Variants in ARID4A observed in about 807,000 individuals in gnomAD.
The protein encoded by ARID4A is AT-rich interactive domain-containing protein 4A.
A neutral mutation model predicts 148.6 loss-of-function variants in ARID4A; 39 were observed. The observed-to-expected ratio is 0.26, with a 90% CI of 0.20 to 0.34. The LOEUF (loss-of-function observed/expected upper bound fraction) is 0.34. Among genes scored for constraint, ARID4A ranks in the 10% least tolerant of loss-of-function variants. The pLI is 1.00. For missense variants in ARID4A, 1,265 were observed against 1,449.1 expected (o/e 0.87, Z 2.06); for synonymous variants, 475 against 481.2 (o/e 0.99, Z 0.17).
rs540268826 is a variant in ARID4A at position 58,302,231 on chromosome 14, C to G, written c.117+541C>G. ...AAATTAGACCCGGCGCGGTGACTCA[C>G]GCCTGTAATCCCAGCACTTTGGGAG... On this transcript the variant is annotated intron_variant, in intron 3 of 23. Coordinates refer to ENST00000355431, the MANE Select transcript of ARID4A (RefSeq NM_002892.4). 1.3e-4 allele frequency among the ~76,000 whole-genome samples: 20 copies of G among 151,858 alleles called. 1 individual carries two copies. In the South Asian group the frequency reaches 4.2e-3, roughly 32 times the overall value.
chr14:58,366,781 A>G, intron 22 of ARID4A, 102 bp from the exon 23 acceptor site: 3 of 911,148 alleles, frequency 3.3e-6, no homozygotes, highest in Non-Finnish European at 4.8e-6. Context: ...TTAATAAACT[A>G]AAGCTTTTGT....
rs1335758386 is a variant in ARID4A, at chr14:58,365,551, T to C, written c.3245T>C (p.Leu1082Ser). The change falls in exon 21 of 24, where the codon TTA (leucine) becomes TCA (serine). Residue 1082 changes from leucine to serine, a missense_variant. Leu to Ser is a moderately radical substitution (Grantham distance 145). Coordinates refer to ENST00000355431, the MANE Select transcript of ARID4A (RefSeq NM_002892.4). ...QKRPSDGNSG[L>S]MAKKQKRTPK... ...AGGCCAAGTGATGGAAATAGTGGAT[T>C]AATGGCAAAAAAGCAAAAGCGTACC... 1 of 1,609,752 alleles carries C rather than the reference T, an allele frequency of 6.2e-7. No individual in the cohort carries two copies. Among genetic ancestry groups the C allele is most frequent in the South Asian group, 1.1e-5 (1 of 90,918 alleles).
Position 58,334,987 on chromosome 14 carries a change from T to G in ARID4A, c.906+4818T>G, listed in dbSNP as rs1014089854. On this transcript the variant is annotated intron_variant, in intron 11 of 23. Coordinates refer to ENST00000355431, the MANE Select transcript of ARID4A (RefSeq NM_002892.4). The stretch of plus-strand genomic sequence containing the variant: ...CCAGAATGCTTAGAGTTACATACAC[T>G]GTTCATGACCTCCCCTTTACTCTTA... Among the ~76,000 whole-genome samples the G allele has an allele frequency of 2.0e-5, 3 of 152,160 alleles. No homozygotes were observed. The East Asian group carries it at 5.8e-4, about 29-fold the overall frequency.
intron 11 of ARID4A, among the ~76,000 whole-genome samples, chr14:58,336,953 G>A (rs147348749): frequency 2.5e-4 from 37 of 150,288 alleles, no homozygotes; most frequent in African/African-American, 5.1e-4. Context: ...GTGCTGTGGC[G>A]CGATTTCCAC....
intron 3 of ARID4A, 54 bp from the exon 4 acceptor site, chr14:58,304,890 A>AACAAT: frequency 7.2e-7 from 1 of 1,393,258 alleles, no homozygotes; most frequent in Non-Finnish European, 1.0e-6. Flanking sequence ...GTGTTACTAT[A>AACAAT]AATGTATTTG....
chr14:58,358,754 A>T (rs1355544559), intron 17 of ARID4A, among the ~76,000 whole-genome samples: 1 of 152,210 alleles, frequency 6.6e-6, no homozygotes, highest in Non-Finnish European at 1.5e-5. Flanking sequence ...AATTTATCTG[A>T]CTTAGCTTTC....
chr14:58,351,462 A>G, intron 16 of ARID4A, 139 bp downstream of exon 16: 2 of 1,143,958 alleles, frequency 1.7e-6, no homozygotes, highest in Non-Finnish European at 2.5e-6. Flanking sequence ...GGTGAGACAC[A>G]TTGTGAAGAT....
chr14:58,324,646 C>T (rs1394078542), intron 8 of ARID4A, among the ~76,000 whole-genome samples: 2 of 152,116 alleles, frequency 1.3e-5, no homozygotes, highest in African/African-American at 2.4e-5. Flanking sequence ...CAACCTTCAG[C>T]GAGTCTGCCT....
intron 5 of ARID4A, among the ~76,000 whole-genome samples, chr14:58,313,497 C>A (rs2032195933): frequency 1.3e-5 from 2 of 152,138 alleles, no homozygotes. Context: ...CCACCGCTAA[C>A]CTGCTGTCCG....
intron 5 of ARID4A, among the ~76,000 whole-genome samples, chr14:58,308,980 T>C (rs1043171732): frequency 6.6e-6 from 1 of 152,220 alleles, no homozygotes; most frequent in Non-Finnish European, 1.5e-5. Context: ...TGATATTAAC[T>C]TCTTCTTGCA....
At chr14:58,301,156 T>G (rs547939281) in intron 2 of ARID4A, among the ~76,000 whole-genome samples, 1 of 152,350 alleles carries the variant, frequency 6.6e-6, no homozygotes, top group East Asian at 1.9e-4. Context: ...CAATAAACAA[T>G]TATGTATTGT....
chr14:58,343,941 A>G (rs2034234287), intron 11 of ARID4A, among the ~76,000 whole-genome samples: 1 of 152,134 alleles, frequency 6.6e-6, no homozygotes, highest in African/African-American at 2.4e-5. Flanking sequence ...GTTTTTCTCT[A>G]GTAGTGCTAA....
Position 58,330,141 on chromosome 14 carries a change from A to G in ARID4A, c.878A>G (p.Lys293Arg). The stretch of plus-strand genomic sequence containing the variant: ...GAAGAAAATGATGAAGAGAAGGAAA[A>G]GGAGGCCAAAAAGACAGAAGAAGAG... ...PAEENDEEKE[K>R]EAKKTEEEVP... The change falls in exon 11 of 24, where the codon AAG becomes AGG. Residue 293 changes from lysine to arginine, a missense_variant. Coordinates refer to ENST00000355431, the MANE Select transcript of ARID4A (RefSeq NM_002892.4). 1 of 1,612,688 alleles carries G rather than the reference A, an allele frequency of 6.2e-7. No homozygotes were observed. Among genetic ancestry groups the G allele is most frequent in the Non-Finnish European group, 8.5e-7 (1 of 1,179,646 alleles).
At chr14:58,335,235 A>T (rs1382670803) in intron 11 of ARID4A, among the ~76,000 whole-genome samples, 1 of 151,920 alleles carries the variant, frequency 6.6e-6, no homozygotes, top group Non-Finnish European at 1.5e-5. Context: ...TGATATAATG[A>T]CTTGATATCT....
rs201016535 is a variant in ARID4A at position 58,365,144 on chromosome 14, G to A, written c.3055G>A (p.Val1019Ile). 1.5e-4 allele frequency: 241 copies of A among 1,614,070 alleles called. No homozygotes were observed. The highest frequency in any genetic ancestry group is 1.9e-4 in the Non-Finnish European group (226 of 1,179,998). The change falls in exon 20 of 24, where the codon GTA (valine) becomes ATA (isoleucine). Residue 1019 changes from valine (V) to isoleucine (I), a missense_variant. Coordinates refer to ENST00000355431, the MANE Select transcript of ARID4A (RefSeq NM_002892.4). ...TCTTAGTCAAGATGAGTCTCGAAGC[G>A]TAAAAAGTGAGAGTGATATAACGAT... is the stretch of plus-strand genomic sequence containing the variant. Reference protein sequence around the residue: ...LTLSQDESRSVKSESDITIEV... With the variant: ...LTLSQDESRSIKSESDITIEV...
chr14:58,359,107 CTTTTTTTT>C lies in ARID4A; in HGVS notation c.1854-11_1854-4del. On this transcript the variant is annotated splice_polypyrimidine_tract_variant and intron_variant, in intron 17 of 23. Transcript: ENST00000355431. The stretch of plus-strand genomic sequence containing the variant: ...ATAATGTATAAAGTTTGTACAAACT[CTTTTTTTT>C]TTTTTTTTTTTTTAAGGTATGATGA... The C allele has an allele frequency of 2.3e-6, 3 of 1,298,530 alleles. No homozygotes were observed. Among genetic ancestry groups the C allele is most frequent in the Non-Finnish European group, 1.0e-6 (1 of 982,646 alleles). 80.4% of individuals were successfully genotyped at this position (1,298,530 alleles called of 1,614,324 possible).
chr14:58,332,374 A>G (rs1195503429), intron 11 of ARID4A, among the ~76,000 whole-genome samples: 2 of 152,090 alleles, frequency 1.3e-5, no homozygotes, highest in East Asian at 3.8e-4. Context: ...ACTGATTCAT[A>G]TGATTATTTA....
In ARID4A at chr14:58,318,564, A is replaced by G. The variant is rs778596365; in HGVS notation, c.297A>G (p.Arg99=). The part of the protein sequence containing the change: ...YTVVFDDGDE[R]TLRRTSLCLK... ...TAGTGTTTGATGATGGTGATGAGCG[A>G]ACATTGAGACGTACCTCACTTTGTC... Residue 99 remains arginine, a synonymous_variant, in exon 6 of 24, where the codon CGA becomes CGG. Transcript: ENST00000355431. 4 of 1,614,182 alleles carry G rather than the reference A, an allele frequency of 2.5e-6. No individual in the cohort carries two copies. The East Asian group carries it at 6.7e-5, about 27-fold the overall frequency.
At chr14:58,348,614 A>G (rs1473879560) in intron 15 of ARID4A, among the ~76,000 whole-genome samples, 1 of 152,214 alleles carries the variant, frequency 6.6e-6, no homozygotes, top group East Asian at 1.9e-4. Flanking sequence ...GTGATGTTAC[A>G]TAGTAGGATT....
Sources: allele counts gnomAD v4.1 joint callset (sites outside exome capture counted in the v4.1 genomes callset), GRCh38; gene constraint gnomAD v4.1.1; transcripts MANE v1.5; gene names NCBI Gene and HGNC (gene_info 2026-07-23, HGNC 2026-07-21).